Variants in COL27A1 observed in about 807,000 individuals in gnomAD.
The protein encoded by COL27A1 is collagen alpha-1(XXVII) chain.
A neutral mutation model predicts 251.3 loss-of-function variants in COL27A1; 106 were observed. The ratio of observed to expected loss-of-function variants is 0.42; its 90% CI spans 0.36 to 0.50. The LOEUF (loss-of-function observed/expected upper bound fraction) is 0.50, where lower values mean the gene tolerates loss of function less well. Ranked by LOEUF, COL27A1 falls within the 20% of genes least tolerant of loss-of-function variation. COL27A1 has a pLI of 0.00. For synonymous variants in COL27A1, 1,000 were observed against 986.3 expected (o/e 1.01, Z -0.26); for missense variants, 2,325 against 2,522.8 (o/e 0.92, Z 1.68).
intron 1 of COL27A1, among the ~76,000 whole-genome samples, chr9:114,159,571 G>GA (rs981048027): frequency 6.6e-6 from 1 of 152,168 alleles, no homozygotes; most frequent in African/African-American, 2.4e-5. Flanking sequence ...GGCATTCATG[G>GA]AAAAAATGAT....
intron 7 of COL27A1, among the ~76,000 whole-genome samples, chr9:114,200,406 G>A (rs1354188010): frequency 6.6e-6 from 1 of 152,194 alleles, no homozygotes; most frequent in Admixed American, 6.5e-5. Flanking sequence ...TCCCCTTGTA[G>A]AAGGTAGAGA....
intron 7 of COL27A1, among the ~76,000 whole-genome samples, chr9:114,201,619 A>G (rs1276954095): frequency 6.6e-6 from 1 of 152,212 alleles, no homozygotes; most frequent in East Asian, 1.9e-4. Flanking sequence ...TGGCTTGGCC[A>G]TAACTTGCTA....
intron 3 of COL27A1, among the ~76,000 whole-genome samples, chr9:114,173,780 G>T (rs553903886): frequency 6.6e-6 from 1 of 152,246 alleles, no homozygotes; most frequent in African/African-American, 2.4e-5. Context: ...TGGACTGATG[G>T]TGGGTGTTGA....
At chr9:114,171,597 G>C (rs1466618341) in intron 3 of COL27A1, among the ~76,000 whole-genome samples, 2 of 151,650 alleles carry the variant, frequency 1.3e-5, no homozygotes, top group African/African-American at 4.8e-5. Context: ...CCAGGTAGCT[G>C]GGACTACAGG....
chr9:114,164,195 C>T (rs1450050793), intron 2 of COL27A1, among the ~76,000 whole-genome samples: 1 of 152,178 alleles, frequency 6.6e-6, no homozygotes, highest in African/African-American at 2.4e-5. Flanking sequence ...TAAAGAGTAC[C>T]TGCTCCATAG....
chr9:114,206,785 G>A (rs1301551458), intron 10 of COL27A1, among the ~76,000 whole-genome samples: 1 of 152,176 alleles, frequency 6.6e-6, no homozygotes, highest in African/African-American at 2.4e-5. Context: ...CCATGGAGCA[G>A]ACCCCGAGTA....
At chr9:114,301,741 AT>A in intron 55 of COL27A1, 24 bp downstream of exon 55, 1 of 1,610,200 alleles carries the variant, frequency 6.2e-7, no homozygotes, top group Non-Finnish European at 8.5e-7. Context: ...TGCTGGGTGC[AT>A]CTTGGACTCC....
At position 114,237,038 on chromosome 9, in the gene COL27A1, A is replaced by C. The variant is rs774792955; in HGVS notation, c.2673+4A>C. 6.2e-7 allele frequency: 1 copy of C among 1,603,128 alleles called. No homozygotes were observed. The highest frequency in any genetic ancestry group is 1.7e-5 in the Admixed American group (1 of 58,396). On this transcript the variant is annotated splice_donor_region_variant and intron_variant, in intron 18 of 60. Transcript: ENST00000356083. ...ACGGGGGAAGCCAGGGCCTCTGGTA[A>C]GTACCTGCTCCTCCAGCACCCCCAA...
intron 2 of COL27A1, among the ~76,000 whole-genome samples, chr9:114,165,731 T>C (rs563891090): frequency 1.3e-5 from 2 of 149,842 alleles, no homozygotes; most frequent in Admixed American, 6.6e-5. Flanking sequence ...TATCTATTCA[T>C]TCGTCCATTA....
At chr9:114,306,775 TGA>T in intron 58 of COL27A1, 87 bp downstream of exon 58, 2 of 1,476,922 alleles carry the variant, frequency 1.4e-6, no homozygotes, top group Middle Eastern at 4.1e-4. Flanking sequence ...GCATTTTGGC[TGA>T]GTTTTTGTCC....
intron 10 of COL27A1, 116 bp from the exon 11 acceptor site, chr9:114,209,559 A>G (rs776095199): frequency 5.0e-5 from 47 of 946,986 alleles, no homozygotes; most frequent in Middle Eastern, 4.4e-4. Flanking sequence ...CACTGCCACC[A>G]GGGAGGAAGA....
At chr9:114,177,234 A>T (rs1588592762) in intron 3 of COL27A1, among the ~76,000 whole-genome samples, 1 of 152,220 alleles carries the variant, frequency 6.6e-6, no homozygotes, top group Non-Finnish European at 1.5e-5. Flanking sequence ...TTGAACAAAG[A>T]TCAGCTCATC....
intron 11 of COL27A1, among the ~76,000 whole-genome samples, chr9:114,210,592 C>G (rs1389732118): frequency 6.6e-6 from 1 of 152,172 alleles, no homozygotes; most frequent in African/African-American, 2.4e-5. Context: ...TCACAGACCC[C>G]TGGCCCAGCC....
chr9:114,262,049 C>CT (rs1264288339), intron 28 of COL27A1, among the ~76,000 whole-genome samples: 1 of 152,188 alleles, frequency 6.6e-6, no homozygotes, highest in Non-Finnish European at 1.5e-5. Flanking sequence ...CTATCCCTTT[C>CT]TAGGGAGGTG....
intron 5 of COL27A1, among the ~76,000 whole-genome samples, chr9:114,187,323 G>C (rs1179224219): frequency 6.6e-6 from 1 of 152,220 alleles, no homozygotes; most frequent in Non-Finnish European, 1.5e-5. Context: ...GGAAAATATG[G>C]AGAAGTCCAG....
intron 13 of COL27A1, among the ~76,000 whole-genome samples, chr9:114,220,314 C>T (rs1830998453): frequency 6.6e-6 from 1 of 152,198 alleles, no homozygotes; most frequent in African/African-American, 2.4e-5. Context: ...GAGGCCCAGG[C>T]TCTGTTCCCC....
At position 114,301,267 on chromosome 9, in the gene COL27A1, GCC is replaced by G; in HGVS notation, c.4756-16_4756-15del. ...TCACCTCTGGGCCCTGTCTCACTGG[GCC>G]GTGGTTTGTTGCAGGGTCCGAAGGG... is the stretch of plus-strand genomic sequence containing the variant. On this transcript the variant is annotated splice_polypyrimidine_tract_variant and intron_variant, in intron 52 of 60. Transcript: ENST00000356083. The G allele has an allele frequency of 6.2e-7, 1 of 1,612,270 alleles. No individual in the cohort carries two copies. Among genetic ancestry groups the G allele is most frequent in the Non-Finnish European group, 8.5e-7 (1 of 1,179,128 alleles).
At chr9:114,246,984 G>A (rs1010614622) in intron 24 of COL27A1, among the ~76,000 whole-genome samples, 4 of 152,016 alleles carry the variant, frequency 2.6e-5, no homozygotes, top group Non-Finnish European at 5.9e-5. Flanking sequence ...AAAGATCCTT[G>A]GAAATCACTG....
intron 28 of COL27A1, among the ~76,000 whole-genome samples, chr9:114,260,791 C>T (rs920306476): frequency 1.3e-5 from 2 of 152,170 alleles, no homozygotes; most frequent in African/African-American, 4.8e-5. Flanking sequence ...CTCAGCACCC[C>T]CGGTTCCCAG....
Sources: gnomAD v4.1 joint callset for allele counts (sites outside exome capture counted in the v4.1 genomes callset) on GRCh38, gnomAD v4.1.1 for gene constraint, MANE v1.5 for transcripts, NCBI Gene and HGNC (gene_info 2026-07-23, HGNC 2026-07-21) for gene names.